Variants in NTM observed in about 807,000 individuals in gnomAD.
NTM encodes IgLON family member 2.
Under a neutral mutation model 42.1 loss-of-function variants are expected in NTM, and 13 were observed. That is an observed-to-expected ratio of 0.31 (90% CI 0.20 to 0.49). The LOEUF (loss-of-function observed/expected upper bound fraction) is 0.49. Among genes scored for constraint, NTM ranks in the 20% least tolerant of loss-of-function variants. The pLI is 0.99. For synonymous variants in NTM, 187 were observed against 179.2 expected, an observed-to-expected ratio of 1.04 and a Z score of -0.35; for missense variants, 373 against 452.8, an observed-to-expected ratio of 0.82 and a Z score of 1.60.
At chr11:131,726,911 A>G (rs904643389) in intron 1 of NTM, among the ~76,000 whole-genome samples, 2 of 151,094 alleles carry the variant, frequency 1.3e-5, no homozygotes, top group African/African-American at 4.9e-5. Flanking sequence ...CTGGTCGTCA[A>G]CTTCTGGGCT....
chr11:132,333,469 A>C (rs1411641709), intron 8 of NTM, among the ~76,000 whole-genome samples: 1 of 152,242 alleles, frequency 6.6e-6, no homozygotes, highest in Non-Finnish European at 1.5e-5. Context: ...CTGTGGACAC[A>C]TAGTAGTTAG....
chr11:132,197,464 GT>G (rs200954788), intron 3 of NTM, among the ~76,000 whole-genome samples: 70 of 146,462 alleles, frequency 4.8e-4, no homozygotes, highest in African/African-American at 1.3e-3. Flanking sequence ...ATTAGGTATT[GT>G]TTTTTTTTTA....
At chr11:132,198,598 A>G (rs1394706864) in intron 3 of NTM, among the ~76,000 whole-genome samples, 3 of 152,188 alleles carry the variant, frequency 2.0e-5, no homozygotes, top group Non-Finnish European at 4.4e-5. Flanking sequence ...TTGAAAAACT[A>G]TGGCTAGTAG....
chr11:131,547,796 C>T (rs1327410289), intron 1 of NTM, among the ~76,000 whole-genome samples: 1 of 152,218 alleles, frequency 6.6e-6, no homozygotes, highest in Admixed American at 6.5e-5. Context: ...GCAACTCCAA[C>T]AGACTTGGAT....
At chr11:131,796,559 G>T (rs1454969830) in intron 1 of NTM, among the ~76,000 whole-genome samples, 2 of 152,182 alleles carry the variant, frequency 1.3e-5, no homozygotes, top group African/African-American at 4.8e-5. Context: ...CCTTCTTAGT[G>T]ACCCCTTCTG....
chr11:132,055,084 T>C (rs560949708), intron 2 of NTM, among the ~76,000 whole-genome samples: 20 of 152,348 alleles, frequency 1.3e-4, no homozygotes, highest in Admixed American at 2.6e-4. Context: ...CTACATGGCA[T>C]TGGAATGGAG....
At chr11:132,272,844 C>T (rs1185558735) in intron 4 of NTM, among the ~76,000 whole-genome samples, 1 of 151,988 alleles carries the variant, frequency 6.6e-6, no homozygotes, top group Non-Finnish European at 1.5e-5. Flanking sequence ...CTCCAGTTTG[C>T]TTTTTATTAC....
At chr11:131,723,084 G>C (rs1215265478) in intron 1 of NTM, among the ~76,000 whole-genome samples, 1 of 152,244 alleles carries the variant, frequency 6.6e-6, no homozygotes, top group Non-Finnish European at 1.5e-5. Context: ...ATCTGAGACA[G>C]ATCCAGTTCT....
rs142528453 is a variant in NTM at position 131,372,443 on chromosome 11, A to AGTGTGTGTGT, written c.82+1561_82+1570dup. On this transcript the variant is annotated intron_variant, in intron 1 of 8. Transcript: ENST00000683400. The stretch of plus-strand genomic sequence containing the variant: ...CTCTTATATAATATGAAGCAGTATC[A>AGTGTGTGTGT]GTGTGTGTGTGTGTGCGTGCGTGTG... Among the ~76,000 whole-genome samples, 113 of 151,422 alleles carry AGTGTGTGTGT rather than the reference A, an allele frequency of 7.5e-4. 1 individual carries two copies. Among genetic ancestry groups the AGTGTGTGTGT allele is most frequent in the African/African-American group, 2.3e-3 (96 of 41,372 alleles).
chr11:132,306,135 G>C (rs747421160), intron 4 of NTM, among the ~76,000 whole-genome samples: 40 of 152,232 alleles, frequency 2.6e-4, no homozygotes, highest in Non-Finnish European at 4.0e-4. Flanking sequence ...GAACAAGGCA[G>C]TGGCCCTTGT....
intron 1 of NTM, among the ~76,000 whole-genome samples, chr11:131,839,595 A>G (rs904098547): frequency 1.3e-5 from 2 of 152,180 alleles, no homozygotes; most frequent in South Asian, 2.1e-4. Context: ...AGGACACCAG[A>G]AAAGGAGACT....
intron 2 of NTM, among the ~76,000 whole-genome samples, chr11:132,077,062 A>G (rs1009668725): frequency 6.6e-6 from 1 of 152,234 alleles, no homozygotes; most frequent in African/African-American, 2.4e-5. Context: ...GACTTGAGAA[A>G]TCAGTGTTTA....
intron 1 of NTM, among the ~76,000 whole-genome samples, chr11:131,818,529 T>C (rs1365765061): frequency 6.6e-6 from 1 of 152,138 alleles, no homozygotes; most frequent in Non-Finnish European, 1.5e-5. Context: ...GCAGTCAGCC[T>C]CTTGAAAGTT....
chr11:131,488,230 G>T (rs897706931), intron 1 of NTM, among the ~76,000 whole-genome samples: 3 of 152,198 alleles, frequency 2.0e-5, no homozygotes, highest in Non-Finnish European at 2.9e-5. Flanking sequence ...TGTTTCTGTA[G>T]GTTGGCCGGG....
intron 1 of NTM, among the ~76,000 whole-genome samples, chr11:131,764,548 C>T (rs1371814227): frequency 1.3e-5 from 2 of 152,158 alleles, no homozygotes; most frequent in Non-Finnish European, 2.9e-5. Flanking sequence ...TTTGGCTCTG[C>T]CACTAACTGG....
Position 131,632,597 on chromosome 11 carries a change from T to A in NTM, c.82+261709T>A, listed in dbSNP as rs867016127. ...AGTTTCTTTTTTATTTCTTATTTAT[T>A]CTTTTCCCCCCTTTTCTGGAATATG... On this transcript the variant is annotated intron_variant, in intron 1 of 8. Transcript: ENST00000683400. 2.6e-5 allele frequency among the ~76,000 whole-genome samples: 4 copies of A among 151,072 alleles called. No individual in the cohort carries two copies. In the South Asian group the frequency reaches 8.4e-4, roughly 32 times the overall value.
intron 2 of NTM, among the ~76,000 whole-genome samples, chr11:132,102,904 C>G (rs987670332): frequency 1.3e-5 from 2 of 152,202 alleles, no homozygotes; most frequent in Non-Finnish European, 2.9e-5. Flanking sequence ...GGTGCTCGCA[C>G]ACATCAAATG....
intron 1 of NTM, among the ~76,000 whole-genome samples, chr11:131,860,435 G>A (rs542621001): frequency 1.1e-3 from 161 of 152,254 alleles, no homozygotes; most frequent in African/African-American, 3.8e-3. Flanking sequence ...CAAAAATGCA[G>A]CAAAACATGT....
At chr11:132,206,975 A>T (rs1430150013) in intron 3 of NTM, among the ~76,000 whole-genome samples, 1 of 152,306 alleles carries the variant, frequency 6.6e-6, no homozygotes, top group Admixed American at 6.5e-5. Context: ...CCTCAAACAG[A>T]TTGTAAGTTC....
Sources: gnomAD v4.1 joint callset for allele counts (sites outside exome capture counted in the v4.1 genomes callset) on GRCh38, gnomAD v4.1.1 for gene constraint, MANE v1.5 for transcripts, NCBI Gene and HGNC (gene_info 2026-07-23, HGNC 2026-07-21) for gene names.